ASCC1: variants seen among roughly 807,000 people sequenced by gnomAD.
ASCC1 encodes ASC-1 complex subunit P50.
A neutral mutation model predicts 46.6 loss-of-function variants in ASCC1; 35 were observed. That is an observed-to-expected ratio of 0.75 (90% confidence interval 0.57 to 0.99). The LOEUF (loss-of-function observed/expected upper bound fraction) is 0.99, where lower values mean the gene tolerates loss of function less well. Among genes scored for constraint, ASCC1 ranks in the 50% least tolerant of loss-of-function variants. ASCC1 has a pLI of 0.00. For missense variants in ASCC1, 376 were observed against 428.7 expected (o/e 0.88, Z 1.09); for synonymous variants, 143 against 146.6 (o/e 0.98, Z 0.18).
At chr10:72,137,423 G>A (rs1456728891) in intron 7 of ASCC1, among the ~76,000 whole-genome samples, 1 of 151,010 alleles carries the variant, frequency 6.6e-6, no homozygotes, top group African/African-American at 2.4e-5. Flanking sequence ...AGCTCCTTGG[G>A]AGGATGAGGC....
chr10:72,148,040 T>C (rs1172222504), intron 7 of ASCC1, among the ~76,000 whole-genome samples: 1 of 152,202 alleles, frequency 6.6e-6, no homozygotes, highest in Non-Finnish European at 1.5e-5. Context: ...CAATAGTAGG[T>C]AAAGCTGCTG....
intron 7 of ASCC1, among the ~76,000 whole-genome samples, chr10:72,151,681 T>C (rs1848350851): frequency 6.6e-6 from 1 of 152,056 alleles, no homozygotes; most frequent in African/African-American, 2.4e-5. Flanking sequence ...ATTTAAGTAA[T>C]TTAATCTTTT....
At chr10:72,200,408 T>C (rs1046870179) in intron 4 of ASCC1, among the ~76,000 whole-genome samples, 1 of 152,112 alleles carries the variant, frequency 6.6e-6, no homozygotes. Flanking sequence ...ACCAGCACTT[T>C]GGGAGGCTGA....
intron 9 of ASCC1, among the ~76,000 whole-genome samples, chr10:72,125,974 C>T (rs190525732): frequency 8.5e-5 from 13 of 152,208 alleles, no homozygotes; most frequent in African/African-American, 2.6e-4. Flanking sequence ...ATATTATATT[C>T]GATACAAAAA....
At chr10:72,128,026 T>C (rs374010061) in intron 9 of ASCC1, 56 bp downstream of exon 9, 22 of 1,326,174 alleles carry the variant, frequency 1.7e-5, no homozygotes, top group Middle Eastern at 3.7e-4. Flanking sequence ...CTTGTTTTCC[T>C]GCCTTATTTA....
intron 7 of ASCC1, chr10:72,133,446 G>A: frequency 2.3e-6 from 1 of 444,056 alleles, no homozygotes; most frequent in South Asian, 2.1e-5. Context: ...ACATGGAGAG[G>A]GCCAGGTTTC....
chr10:72,107,707 T>C (rs918462082), intron 9 of ASCC1, among the ~76,000 whole-genome samples: 1 of 152,248 alleles, frequency 6.6e-6, no homozygotes, highest in African/African-American at 2.4e-5. Context: ...AAAAAGTTTC[T>C]TGGGCAGACT....
chr10:72,122,362 G>A (rs1342239261), intron 9 of ASCC1, among the ~76,000 whole-genome samples: 5 of 150,866 alleles, frequency 3.3e-5, no homozygotes, highest in Non-Finnish European at 7.4e-5. Context: ...GGAGGTTGCA[G>A]TGAGCCAAAA....
At chr10:72,152,579 C>T (rs1333073902) in intron 7 of ASCC1, among the ~76,000 whole-genome samples, 1 of 152,032 alleles carries the variant, frequency 6.6e-6, no homozygotes, top group East Asian at 1.9e-4. Context: ...GCCTATAGTC[C>T]CAGCTACTTG....
intron 7 of ASCC1, among the ~76,000 whole-genome samples, chr10:72,143,036 C>A (rs1193752337): frequency 6.6e-6 from 1 of 151,782 alleles, no homozygotes; most frequent in Non-Finnish European, 1.5e-5. Context: ...TAGTGGGCGC[C>A]TGTAGTCCCA....
intron 3 of ASCC1, among the ~76,000 whole-genome samples, chr10:72,209,120 G>A (rs915502427): frequency 2.4e-4 from 36 of 150,202 alleles, no homozygotes; most frequent in African/African-American, 7.4e-4. Context: ...AGCCGAGATC[G>A]CACCACTGCA....
rs371450934 is a variant in ASCC1, at chr10:72,133,150, G to A, written c.778C>T (p.Arg260Cys). Residue 260 changes from arginine to cysteine, a missense_variant, in exon 8 of 10, where the codon CGT (arginine) becomes TGT (cysteine). By Grantham distance (180) the Arg-to-Cys change is radical (BLOSUM62 -3). Coordinates refer to ENST00000672957, the MANE Select transcript of ASCC1 (RefSeq NM_001198800.3). ...LQELVDRVLE[R>C]FQASGLIVKE... ...ACTATTAGTCCAGATGCCTGAAAACGTTCCAGCACTCGATCAACTAATTCT... is the reference window on the plus strand; with the variant it reads ...ACTATTAGTCCAGATGCCTGAAAACATTCCAGCACTCGATCAACTAATTCT... 9.3e-6 allele frequency: 15 copies of A among 1,613,818 alleles called. No individual in the cohort carries two copies. In the African/African-American group the frequency reaches 9.3e-5, roughly 10 times the overall value.
chr10:72,166,050 G>A (rs1251068802), intron 5 of ASCC1, among the ~76,000 whole-genome samples: 1 of 152,146 alleles, frequency 6.6e-6, no homozygotes, highest in Non-Finnish European at 1.5e-5. Context: ...CTTTCCCAAG[G>A]TAACACTGCT....
intron 7 of ASCC1, chr10:72,133,440 G>A (rs80147748): frequency 0.018 from 8,362 of 452,582 alleles, 595 homozygotes; most frequent in African/African-American, 0.14. Context: ...AACTCTACAT[G>A]GAGAGGGCCA....
chr10:72,188,199 G>A (rs1394673420), intron 5 of ASCC1, among the ~76,000 whole-genome samples: 5 of 145,104 alleles, frequency 3.4e-5, no homozygotes, highest in African/African-American at 5.1e-5. Context: ...GCTCACTGCA[G>A]CCTCTACCTT....
chr10:72,195,931 A>G (rs1339747387), intron 5 of ASCC1, among the ~76,000 whole-genome samples: 1 of 152,022 alleles, frequency 6.6e-6, no homozygotes, highest in Non-Finnish European at 1.5e-5. Flanking sequence ...ATTATGGATG[A>G]TTTTTTATTA....
At chr10:72,216,801 C>T (rs1249342127), upstream of ASCC1, 1 of 456,192 alleles carries the variant, frequency 2.2e-6, no homozygotes, top group African/African-American at 2.0e-5. Flanking sequence ...TGAGGATCTC[C>T]ACTGTCAGCC....
chr10:72,138,990 C>T (rs1846623669), intron 7 of ASCC1, among the ~76,000 whole-genome samples: 1 of 152,120 alleles, frequency 6.6e-6, no homozygotes, highest in Non-Finnish European at 1.5e-5. Flanking sequence ...TCTTTACATG[C>T]ATTCATGAAT....
At chr10:72,217,091 G>A (rs1859485853), upstream of ASCC1, 1 of 453,878 alleles carries the variant, frequency 2.2e-6, no homozygotes, top group Non-Finnish European at 4.4e-6. Context: ...AAGCACAGTG[G>A]AAACACTGCC....
Sources: gnomAD v4.1 joint callset for allele counts (sites outside exome capture counted in the v4.1 genomes callset) on GRCh38, gnomAD v4.1.1 for gene constraint, MANE v1.5 for transcripts, NCBI Gene and HGNC (gene_info 2026-07-23, HGNC 2026-07-21) for gene names.